IGDCC4: variants seen among roughly 807,000 people sequenced by gnomAD.
IGDCC4 encodes the protein likely ortholog of mouse neighbor of Punc E11.
IGDCC4 carries 72 observed loss-of-function variants against 116.6 expected under a neutral mutation model. The ratio of observed to expected loss-of-function variants is 0.62; its 90% CI spans 0.51 to 0.75. IGDCC4 has a LOEUF of 0.75. Among genes scored for constraint, IGDCC4 ranks in the 30% least tolerant of loss-of-function variants. The pLI is 0.00. For synonymous variants in IGDCC4, 709 were observed against 719.9 expected (o/e 0.98, Z 0.24); for missense variants, 1,501 against 1,662.4 (o/e 0.90, Z 1.69).
intron 3 of IGDCC4, among the ~76,000 whole-genome samples, chr15:65,409,848 C>T (rs2063073624): frequency 6.6e-6 from 1 of 152,166 alleles, no homozygotes; most frequent in East Asian, 1.9e-4. Context: ...GCCAATGGCT[C>T]ATGGTACGGC....
In IGDCC4 at chr15:65,411,005, G is replaced by A. The variant is rs756810779; in HGVS notation, c.421+15C>T. ...GGGTTTCAGCCTCAGACCCCCGCCC[G>A]ATGCAAGCACTTACTGGCAAGCTTG... On this transcript the variant is annotated intron_variant, in intron 2 of 19. Transcript: ENST00000352385. The A allele has an allele frequency of 8.4e-5, 133 of 1,589,362 alleles. No homozygotes were observed. The highest frequency in any genetic ancestry group is 1.0e-4 in the Non-Finnish European group (122 of 1,164,684).
intron 8 of IGDCC4, among the ~76,000 whole-genome samples, chr15:65,394,800 C>T (rs779382808): frequency 5.3e-5 from 8 of 152,274 alleles, no homozygotes; most frequent in Non-Finnish European, 1.2e-4. Flanking sequence ...CTGGCCCCTA[C>T]CCCAGCTGGA....
chr15:65,403,619 G>T (rs1229816605), intron 3 of IGDCC4, among the ~76,000 whole-genome samples: 1 of 152,112 alleles, frequency 6.6e-6, no homozygotes, highest in Non-Finnish European at 1.5e-5. Context: ...GGAGCAGAGT[G>T]AAAACTCGAA....
At chr15:65,403,798 C>T (rs2063014568) in intron 3 of IGDCC4, among the ~76,000 whole-genome samples, 1 of 152,108 alleles carries the variant, frequency 6.6e-6, no homozygotes, top group Non-Finnish European at 1.5e-5. Context: ...GCCCTCTGGG[C>T]TAAAGAAATA....
At chr15:65,416,723 C>T (rs1353492713) in intron 1 of IGDCC4, among the ~76,000 whole-genome samples, 1 of 152,142 alleles carries the variant, frequency 6.6e-6, no homozygotes, top group Non-Finnish European at 1.5e-5. Context: ...GGCCACCCCT[C>T]CCATAATCCC....
chr15:65,388,607 G>A, intron 15 of IGDCC4, 21 bp from the exon 16 acceptor site: 1 of 1,613,684 alleles, frequency 6.2e-7, no homozygotes, highest in Admixed American at 1.7e-5. Flanking sequence ...GGGAGGCAGG[G>A]AGAGCAGGGA....
At position 65,392,307 on chromosome 15, in the gene IGDCC4, T is replaced by G. The variant is rs2062875957; in HGVS notation, c.1949A>C (p.Gln650Pro). 6.3e-7 allele frequency: 1 copy of G among 1,593,288 alleles called. No homozygotes were observed. Among genetic ancestry groups the G allele is most frequent in the African/African-American group, 1.3e-5 (1 of 74,474 alleles). The change falls in exon 11 of 20, where the codon CAG becomes CCG. Residue 650 changes from glutamine (Q) to proline (P), a missense_variant. Physicochemically the swap from Gln to Pro is moderately conservative, Grantham distance 76 (BLOSUM62 -1). Coordinates refer to ENST00000352385, the MANE Select transcript of IGDCC4 (RefSeq NM_020962.3). ...AKMESLVVSW[Q>P]PPPHPTQISG... ...GATCTGGGTGGGGTGAGGGGGTGGCTGCCATGACACGACCAGGGACTCCAT... is the reference window on the plus strand; with the variant it reads ...GATCTGGGTGGGGTGAGGGGGTGGCGGCCATGACACGACCAGGGACTCCAT...
intron 6 of IGDCC4, 136 bp from the exon 7 acceptor site, chr15:65,396,299 C>G: frequency 1.0e-6 from 1 of 965,402 alleles, no homozygotes; most frequent in Non-Finnish European, 1.6e-6. Flanking sequence ...CCTGATTCAC[C>G]CTTTCCAAAC....
chr15:65,420,730 C>A (rs1013790385), intron 1 of IGDCC4, among the ~76,000 whole-genome samples: 1 of 151,892 alleles, frequency 6.6e-6, no homozygotes, highest in African/African-American at 2.4e-5. Context: ...ACATGCTGTT[C>A]TCTGGAAAAC....
chr15:65,421,146 C>T (rs1386365333), intron 1 of IGDCC4, among the ~76,000 whole-genome samples: 1 of 152,226 alleles, frequency 6.6e-6, no homozygotes, highest in East Asian at 1.9e-4. Flanking sequence ...GACGCCGCAA[C>T]TCGGTCCCTC....
rs75249635 is a variant in IGDCC4, at chr15:65,393,245, C to T, written c.1885+116G>A. 9.0e-7 allele frequency: 1 copy of T among 1,110,736 alleles called. No homozygotes were observed. Among genetic ancestry groups the T allele is most frequent in the East Asian group, 2.9e-5 (1 of 34,320 alleles). 68.8% of individuals were successfully genotyped at this position (1,110,736 alleles called of 1,614,324 possible). On this transcript the variant is annotated intron_variant, in intron 10 of 19. Coordinates refer to ENST00000352385, the MANE Select transcript of IGDCC4 (RefSeq NM_020962.3). This position sits in a 1 kb window ranked among gnomAD's most constrained non-coding sequence, Gnocchi z 4.6. ...TCACTCACCCATCAAGCGGAGGGAG[C>T]CATGGAAGGTCTCTGATGGAGGGCG...
chr15:65,404,996 G>C (rs2063026345), intron 3 of IGDCC4, among the ~76,000 whole-genome samples: 1 of 152,156 alleles, frequency 6.6e-6, no homozygotes, highest in South Asian at 2.1e-4. Context: ...AGGCTGCAGT[G>C]AGCAGTGATT....
intron 5 of IGDCC4, among the ~76,000 whole-genome samples, chr15:65,397,666 TA>T (rs59114878): frequency 0.029 from 3,270 of 114,528 alleles, 78 homozygotes; most frequent in African/African-American, 0.08. Flanking sequence ...TCCGTCTCTA[TA>T]AAAAAAAAAA....
chr15:65,384,996 C>T lies in IGDCC4; in HGVS notation c.3300G>A (p.Gly1100=). 1 of 1,611,784 alleles carries T rather than the reference C, an allele frequency of 6.2e-7. No homozygotes were observed. The highest frequency in any genetic ancestry group is 8.5e-7 in the Non-Finnish European group (1 of 1,179,042). Reference sequence around the variant, plus strand: ...CCAGAGCCTGCAGCAACAGCGTCTGCCCAGTTCCAGCAGGGGGCAGCAGGG... The same window carrying T: ...CCAGAGCCTGCAGCAACAGCGTCTGTCCAGTTCCAGCAGGGGGCAGCAGGG... ...TRALLPPAGT[G]QTLLLQALVY... is the part of the protein sequence containing the mutation. The change falls in exon 19 of 20, where the codon GGG becomes GGA. Residue 1100 remains glycine (G), a synonymous_variant. Coordinates refer to ENST00000352385, the MANE Select transcript of IGDCC4 (RefSeq NM_020962.3). The surrounding 1 kb of genome is among the most constrained non-coding windows in gnomAD (Gnocchi z 4.9).
intron 3 of IGDCC4, among the ~76,000 whole-genome samples, chr15:65,404,571 C>G (rs2063022331): frequency 1.3e-5 from 2 of 152,166 alleles, no homozygotes; most frequent in South Asian, 4.1e-4. Context: ...CATTTCCTAA[C>G]CCCAGTGTTT....
At chr15:65,420,288 C>G (rs1470889505) in intron 1 of IGDCC4, among the ~76,000 whole-genome samples, 1 of 152,200 alleles carries the variant, frequency 6.6e-6, no homozygotes, top group Admixed American at 6.6e-5. Flanking sequence ...CAAATTCAAT[C>G]TATCCTCAAG....
intron 6 of IGDCC4, among the ~76,000 whole-genome samples, 168 bp downstream of exon 6, chr15:65,396,666 C>G (rs2062930317): frequency 6.6e-6 from 1 of 152,146 alleles, no homozygotes; most frequent in Admixed American, 6.5e-5. Context: ...CTCCAGTTAC[C>G]AAGTCCCCAT....
chr15:65,402,486 G>A lies in IGDCC4; in HGVS notation c.565C>T (p.Leu189Phe). Reference sequence around the variant, plus strand: ...AGGACGCCGTTGGGAAGCACGATGAGCCTTGGGAAGAGGGGAGCAGGCAAC... The same window carrying A: ...AGGACGCCGTTGGGAAGCACGATGAACCTTGGGAAGAGGGGAGCAGGCAAC... ...DQVTLPEEPR[L>F]IVLPNGVLQI... is the part of the protein sequence containing the mutation. Residue 189 changes from leucine to phenylalanine, a missense_variant and splice_region_variant, in exon 4 of 20, where the codon CTC (leucine) becomes TTC (phenylalanine). Physicochemically the swap from Leu to Phe is conservative, Grantham distance 22. Around this residue, in one of 3 missense-constraint regions of IGDCC4, gnomAD observed 898 missense variants for 978.9 expected, o/e 0.92. Coordinates refer to ENST00000352385, the MANE Select transcript of IGDCC4 (RefSeq NM_020962.3). The A allele has an allele frequency of 6.4e-7, 1 of 1,566,638 alleles. No individual in the cohort carries two copies. The highest frequency in any genetic ancestry group is 8.7e-7 in the Non-Finnish European group (1 of 1,154,836).
chr15:65,392,105 T>TCCCGCCCCCCCC, intron 11 of IGDCC4, 29 bp downstream of exon 11: 1 of 1,429,194 alleles, frequency 7.0e-7, no homozygotes, highest in Non-Finnish European at 9.7e-7. Context: ...GCTACATCCC[T>TCCCGCCCCCCCC]CCCTCCCCCT....
Sources: gnomAD v4.1 joint callset for allele counts (sites outside exome capture counted in the v4.1 genomes callset) on GRCh38, gnomAD v4.1.1 for gene constraint, gnomAD v4.1.1 regional missense constraint, Gnocchi (gnomAD v3.1) non-coding constraint, MANE v1.5 for transcripts, NCBI Gene and HGNC (gene_info 2026-07-23, HGNC 2026-07-21) for gene names.